The following EPHB1 variants were observed in gnomAD, a reference collection of about 807,000 sequenced individuals.
The protein encoded by EPHB1 is EPH receptor B1.
A neutral mutation model predicts 94.4 loss-of-function variants in EPHB1; 30 were observed. That is an observed-to-expected ratio of 0.32 (90% CI 0.24 to 0.43). The LOEUF is 0.43. EPHB1 is among the 20% of genes least tolerant of loss of function. The pLI is 1.00. For synonymous variants in EPHB1, 522 were observed against 489.1 expected, an observed-to-expected ratio of 1.07 and a Z score of -0.89; for missense variants, 1,055 against 1,308.3, an observed-to-expected ratio of 0.81 and a Z score of 2.99.
intron 1 of EPHB1, among the ~76,000 whole-genome samples, chr3:134,812,674 T>C (rs2036198910): frequency 6.6e-6 from 1 of 152,248 alleles, no homozygotes; most frequent in Admixed American, 6.5e-5. Flanking sequence ...CTTGGTAAGA[T>C]ACTGCCAGTC....
At chr3:135,139,221 A>G (rs1940729638) in intron 5 of EPHB1, among the ~76,000 whole-genome samples, 1 of 152,170 alleles carries the variant, frequency 6.6e-6, no homozygotes, top group African/African-American at 2.4e-5. Context: ...CAGATTAGTC[A>G]TGTAATCTGG....
intron 3 of EPHB1, among the ~76,000 whole-genome samples, chr3:135,054,436 A>G (rs1330973115): frequency 6.6e-6 from 1 of 151,962 alleles, no homozygotes; most frequent in African/African-American, 2.4e-5. Flanking sequence ...AGTTCAGAGA[A>G]CTCTGAGTAA....
chr3:134,972,946 T>G (rs1412704057), intron 3 of EPHB1, among the ~76,000 whole-genome samples: 1 of 152,212 alleles, frequency 6.6e-6, no homozygotes, highest in Non-Finnish European at 1.5e-5. Context: ...TTATGTCCCT[T>G]GTGTTCCTGC....
intron 3 of EPHB1, among the ~76,000 whole-genome samples, chr3:134,968,363 A>G (rs1933842046): frequency 6.6e-6 from 1 of 152,246 alleles, no homozygotes; most frequent in Non-Finnish European, 1.5e-5. Context: ...GGAAGAATGT[A>G]GAAAATTTAA....
intron 2 of EPHB1, among the ~76,000 whole-genome samples, chr3:134,948,566 G>T (rs1042266568): frequency 6.6e-6 from 1 of 152,232 alleles, no homozygotes; most frequent in East Asian, 1.9e-4. Flanking sequence ...TACATCTAGA[G>T]AATCAATAAG....
intron 3 of EPHB1, among the ~76,000 whole-genome samples, chr3:135,048,596 C>T (rs2107769901): frequency 6.6e-6 from 1 of 152,260 alleles, no homozygotes; most frequent in East Asian, 1.9e-4. Context: ...TGCCAAGGTC[C>T]CATAAATTAG....
At chr3:135,048,259 C>CTTTTTTTTTTTTTTTTTTTTTTTTTTTT (rs34135757) in intron 3 of EPHB1, among the ~76,000 whole-genome samples, 5 of 55,202 alleles carry the variant, frequency 9.1e-5, no homozygotes, top group Non-Finnish European at 1.3e-4. Context: ...TTTCTTTTTT[C>CTTTTTTTTTTTTTTTTTTTTTTTTTTTT]TTTTTTTTTT....
chr3:135,220,226 A>T (rs1943244277), intron 12 of EPHB1, among the ~76,000 whole-genome samples: 1 of 152,174 alleles, frequency 6.6e-6, no homozygotes. Flanking sequence ...CTGAGTGAGG[A>T]AGGGAAAGAC....
At chr3:134,901,492 C>T (rs2038202827) in intron 1 of EPHB1, among the ~76,000 whole-genome samples, 1 of 152,240 alleles carries the variant, frequency 6.6e-6, no homozygotes, top group African/African-American at 2.4e-5. Context: ...GGACATCCTG[C>T]AAACTGAGAG....
intron 9 of EPHB1, among the ~76,000 whole-genome samples, chr3:135,176,528 G>A (rs777405493): frequency 5.9e-5 from 9 of 151,976 alleles, no homozygotes; most frequent in Non-Finnish European, 1.2e-4. Context: ...ATATATGTGT[G>A]CACACACACA....
intron 2 of EPHB1, among the ~76,000 whole-genome samples, chr3:134,941,466 C>T (rs1163763657): frequency 6.6e-5 from 10 of 150,956 alleles, no homozygotes; most frequent in Non-Finnish European, 1.3e-4. Flanking sequence ...GGAATCAGCT[C>T]AAATCTCTCA....
At chr3:134,975,456 G>C (rs1293764491) in intron 3 of EPHB1, among the ~76,000 whole-genome samples, 1 of 152,098 alleles carries the variant, frequency 6.6e-6, no homozygotes, top group Non-Finnish European at 1.5e-5. Flanking sequence ...AATAGTGGTG[G>C]GAATTTGCTG....
intron 3 of EPHB1, among the ~76,000 whole-genome samples, chr3:134,954,993 C>T (rs376050922): frequency 6.9e-5 from 10 of 144,088 alleles, no homozygotes; most frequent in Non-Finnish European, 1.1e-4. Context: ...GGAGAACTTG[C>T]GCATTAGGAT....
chr3:134,820,294 G>A lies in EPHB1; in HGVS notation c.58+24605G>A, dbSNP rs138314970. Among the ~76,000 whole-genome samples the A allele has an allele frequency of 3.3e-5, 5 of 152,334 alleles. No homozygotes were observed. The East Asian group carries it at 5.8e-4, about 18-fold the overall frequency. On this transcript the variant is annotated intron_variant, in intron 1 of 15. Transcript: ENST00000398015. ...GAAAAGCAGGTTTAGGGAGCACTTA[G>A]CAGTATCCCTGCAGGAAAACCACAA...
At chr3:134,804,269 A>G (rs2035993113) in intron 1 of EPHB1, among the ~76,000 whole-genome samples, 1 of 151,992 alleles carries the variant, frequency 6.6e-6, no homozygotes, top group African/African-American at 2.4e-5. Context: ...TGGTAAGAGA[A>G]AAATAAGGAA....
chr3:135,086,012 C>A (rs1938348300), intron 3 of EPHB1, among the ~76,000 whole-genome samples: 1 of 152,098 alleles, frequency 6.6e-6, no homozygotes, highest in Admixed American at 6.5e-5. Flanking sequence ...TCAGTGTGTG[C>A]CTAGAGGAAA....
intron 12 of EPHB1, among the ~76,000 whole-genome samples, chr3:135,239,066 C>T (rs560779987): frequency 1.2e-4 from 19 of 152,358 alleles, no homozygotes; most frequent in Non-Finnish European, 2.4e-4. Context: ...TGGCTGCAGC[C>T]ACAGCCTAAG....
At chr3:134,973,759 T>C (rs1273999560) in intron 3 of EPHB1, among the ~76,000 whole-genome samples, 1 of 152,094 alleles carries the variant, frequency 6.6e-6, no homozygotes, top group Admixed American at 6.5e-5. Context: ...AAATAAATTA[T>C]CTGAGCAGAA....
At chr3:135,087,675 G>T (rs1938407281) in intron 3 of EPHB1, among the ~76,000 whole-genome samples, 1 of 152,094 alleles carries the variant, frequency 6.6e-6, no homozygotes, top group Admixed American at 6.6e-5. Flanking sequence ...AATTATTATT[G>T]TAGTAATTGT....
Sources: gnomAD v4.1 joint callset for allele counts (sites outside exome capture counted in the v4.1 genomes callset) on GRCh38, gnomAD v4.1.1 for gene constraint, MANE v1.5 for transcripts, NCBI Gene and HGNC (gene_info 2026-07-23, HGNC 2026-07-21) for gene names.